The following ADCY7 variants were observed in gnomAD, a reference collection of about 807,000 sequenced individuals.
The protein encoded by ADCY7 is adenylate cyclase 7.
A neutral mutation model predicts 120.6 loss-of-function variants in ADCY7; 72 were observed. That is an observed-to-expected ratio of 0.60 (90% CI 0.49 to 0.73). ADCY7 has a LOEUF of 0.73. Among genes scored for constraint, ADCY7 ranks in the 30% least tolerant of loss-of-function variants. The pLI is 0.00. For synonymous variants in ADCY7, 661 were observed against 628.0 expected, an observed-to-expected ratio of 1.05 and a Z score of -0.78; for missense variants, 1,227 against 1,486.0, an observed-to-expected ratio of 0.83 and a Z score of 2.87.
intron 1 of ADCY7, among the ~76,000 whole-genome samples, chr16:50,282,353 A>G (rs2034326028): frequency 6.6e-6 from 1 of 152,228 alleles, no homozygotes; most frequent in Admixed American, 6.5e-5. Flanking sequence ...ATGGAGTCCC[A>G]GCCTCTTGCT....
chr16:50,293,222 GGGCA>G (rs2035109868), intron 5 of ADCY7, 128 bp from the exon 6 acceptor site: 14 of 1,014,162 alleles, frequency 1.4e-5, no homozygotes, highest in East Asian at 1.3e-4. Context: ...ATTGTGGGCA[GGGCA>G]GGCAGGCAGG....
chr16:50,298,353 C>T (rs750573237), intron 7 of ADCY7, among the ~76,000 whole-genome samples: 3 of 152,124 alleles, frequency 2.0e-5, no homozygotes, highest in Non-Finnish European at 2.9e-5. Flanking sequence ...CCGGCTCTCT[C>T]GGTTCCTCGG....
intron 1 of ADCY7, among the ~76,000 whole-genome samples, chr16:50,282,889 AT>A (rs2036395679): frequency 6.6e-6 from 1 of 152,088 alleles, no homozygotes. Flanking sequence ...TAAAAAAAAA[AT>A]AAACAACTTT....
intron 1 of ADCY7, among the ~76,000 whole-genome samples, chr16:50,255,055 G>A (rs1261527052): frequency 6.6e-6 from 1 of 150,482 alleles, no homozygotes; most frequent in Admixed American, 6.6e-5. Context: ...GGAGGCTGAG[G>A]TGGGAGGATT....
At chr16:50,301,285 G>T (rs537625662) in intron 10 of ADCY7, 71 bp downstream of exon 10, 2 of 1,500,708 alleles carry the variant, frequency 1.3e-6, no homozygotes, top group East Asian at 2.5e-5. Context: ...AGCCTGGCCC[G>T]CACCTTGGAG....
chr16:50,262,961 C>T (rs2033098422), upstream of ADCY7, among the ~76,000 whole-genome samples: 4 of 152,218 alleles, frequency 2.6e-5, no homozygotes, highest in South Asian at 8.3e-4. Flanking sequence ...GGGTACTCAC[C>T]ATGCTCATTA....
upstream of ADCY7, among the ~76,000 whole-genome samples, chr16:50,263,936 C>G (rs2033124026): frequency 6.6e-6 from 1 of 152,200 alleles, no homozygotes; most frequent in African/African-American, 2.4e-5. Context: ...CAGCACCATG[C>G]CCTCCTGCAT....
In ADCY7 at chr16:50,294,762, T is replaced by G. The variant is rs919720544; in HGVS notation, c.948+11T>G. On this transcript the variant is annotated intron_variant, in intron 7 of 25. Coordinates refer to ENST00000673801, the MANE Select transcript of ADCY7 (RefSeq NM_001114.5). ...GACCAGATCGCCAAGGTGAGCCCGC[T>G]GGCCTACAATGGGCAAAGCCAGGCC... 1.9e-6 allele frequency: 3 copies of G among 1,599,264 alleles called. No individual in the cohort carries two copies. The highest frequency in any genetic ancestry group is 1.7e-5 in the Admixed American group (1 of 59,434).
chr16:50,253,240 C>A (rs565729906), intron 1 of ADCY7, among the ~76,000 whole-genome samples: 58 of 152,214 alleles, frequency 3.8e-4, no homozygotes, highest in Admixed American at 5.9e-4. Flanking sequence ...AAAACGAGTC[C>A]ATTTCTTTTT....
At chr16:50,277,053 T>C (rs144344481) in intron 1 of ADCY7, among the ~76,000 whole-genome samples, 1 of 152,344 alleles carries the variant, frequency 6.6e-6, no homozygotes, top group East Asian at 1.9e-4. Flanking sequence ...TTGGTTTTTC[T>C]GTGTCCTGGT....
rs1443845161 is a variant in ADCY7, at chr16:50,312,169, T to G, written c.2582T>G (p.Phe861Cys). Reference sequence around the variant, plus strand: ...CTGCCAGCCCACGTGGCTGCCCACTTTATCGGTGACAAGTTAAACGAGGTG... The same window carrying G: ...CTGCCAGCCCACGTGGCTGCCCACTGTATCGGTGACAAGTTAAACGAGGTG... ...NVLPAHVAAHFIGDKLNEDWY... is the reference protein window; with the variant it reads ...NVLPAHVAAHCIGDKLNEDWY... The change falls in exon 21 of 26, where the codon TTT (phenylalanine) becomes TGT (cysteine). Residue 861 changes from phenylalanine (F) to cysteine (C), a missense_variant. Physicochemically the swap from Phe to Cys is radical, Grantham distance 205. Coordinates refer to ENST00000673801, the MANE Select transcript of ADCY7 (RefSeq NM_001114.5). 1 of 1,614,008 alleles carries G rather than the reference T, an allele frequency of 6.2e-7. No individual in the cohort carries two copies. Among genetic ancestry groups the G allele is most frequent in the Non-Finnish European group, 8.5e-7 (1 of 1,180,044 alleles).
At chr16:50,248,897 T>C (rs2032669532) in intron 1 of ADCY7, among the ~76,000 whole-genome samples, 1 of 152,200 alleles carries the variant, frequency 6.6e-6, no homozygotes, top group African/African-American at 2.4e-5. Context: ...GATACCCTTT[T>C]GGTCGGTGGC....
At chr16:50,258,463 T>A (rs888578140) in intron 1 of ADCY7, among the ~76,000 whole-genome samples, 1 of 152,094 alleles carries the variant, frequency 6.6e-6, no homozygotes, top group Non-Finnish European at 1.5e-5. Context: ...AGGCTTGATC[T>A]AATTCAGTTT....
chr16:50,304,271 C>T lies in ADCY7; in HGVS notation c.1369-89C>T, dbSNP rs1221566862. On this transcript the variant is annotated intron_variant, in intron 10 of 25. Transcript: ENST00000673801. ...TTCACGGGCTCAGGGCGGCGTCACA[C>T]TTCAGGGAGAGCTGGATGGGGATGG... 7 of 1,278,510 alleles carry T rather than the reference C, an allele frequency of 5.5e-6. 1 individual carries two copies. Among genetic ancestry groups the T allele is most frequent in the Non-Finnish European group, 7.1e-6 (7 of 984,644 alleles). 79.2% of individuals were successfully genotyped at this position (1,278,510 alleles called of 1,614,324 possible).
intron 1 of ADCY7, among the ~76,000 whole-genome samples, chr16:50,269,238 G>A (rs1567534335): frequency 6.6e-6 from 1 of 152,194 alleles, no homozygotes; most frequent in Non-Finnish European, 1.5e-5. Context: ...GAATAACCCA[G>A]CAGATCGGTC....
chr16:50,307,115 C>T lies in ADCY7; in HGVS notation c.1818C>T (p.Cys606=). The change falls in exon 15 of 26, where the codon TGC becomes TGT. Residue 606 remains cysteine (C), a synonymous_variant. Transcript: ENST00000673801. ...DFACASLIFV[C]ILLVHVLLMP... is the part of the protein sequence containing the mutation. ...CCTGCGCCAGCCTGATCTTCGTCTG[C>T]ATCCTGCTCGTCCATGTCCTGCTCA... 1 of 1,612,228 alleles carries T rather than the reference C, an allele frequency of 6.2e-7. No individual in the cohort carries two copies. Among genetic ancestry groups the T allele is most frequent in the Non-Finnish European group, 8.5e-7 (1 of 1,180,000 alleles).
intron 1 of ADCY7, among the ~76,000 whole-genome samples, chr16:50,269,532 G>T (rs1225528655): frequency 2.0e-5 from 3 of 152,234 alleles, no homozygotes; most frequent in African/African-American, 4.8e-5. Context: ...GCCAGGGTGG[G>T]CTGTCTCACG....
Position 50,312,883 on chromosome 16 carries a change from C to T in ADCY7, c.2605-7C>T. The T allele has an allele frequency of 6.2e-7, 1 of 1,613,986 alleles. No homozygotes were observed. The highest frequency in any genetic ancestry group is 8.5e-7 in the Non-Finnish European group (1 of 1,179,942). ...AGTGGTGTAAGGTCCGGTTTCTTCCCATCCAGGACTGGTACCATCAGTCCT... is the reference window on the plus strand; with the variant it reads ...AGTGGTGTAAGGTCCGGTTTCTTCCTATCCAGGACTGGTACCATCAGTCCT... On this transcript the variant is annotated splice_region_variant and splice_polypyrimidine_tract_variant and intron_variant, in intron 21 of 25. Coordinates refer to ENST00000673801, the MANE Select transcript of ADCY7 (RefSeq NM_001114.5).
chr16:50,302,214 C>T (rs1228063289), intron 10 of ADCY7, among the ~76,000 whole-genome samples: 1 of 152,214 alleles, frequency 6.6e-6, no homozygotes, highest in Non-Finnish European at 1.5e-5. Context: ...AACACTCCTC[C>T]CTCCGTCCCT....
Sources: allele counts gnomAD v4.1 joint callset (sites outside exome capture counted in the v4.1 genomes callset), GRCh38; gene constraint gnomAD v4.1.1; transcripts MANE v1.5; gene names NCBI Gene and HGNC (gene_info 2026-07-23, HGNC 2026-07-21).